The following SORCS1 variants were observed in gnomAD, a reference collection of about 807,000 sequenced individuals.
SORCS1 encodes sortilin related VPS10 domain containing receptor 1.
In SORCS1, 60 loss-of-function variants were observed where a neutral mutation model predicts 146.1. The observed-to-expected ratio is 0.41, with a 90% CI of 0.33 to 0.51. SORCS1 has a LOEUF of 0.51. SORCS1 is among the 20% of genes least tolerant of loss of function. The pLI, the probability that SORCS1 is intolerant of heterozygous loss-of-function variation, is 0.21. For missense variants in SORCS1, 1,352 were observed against 1,487.6 expected, an observed-to-expected ratio of 0.91 and a Z score of 1.50; for synonymous variants, 637 against 584.0, an observed-to-expected ratio of 1.09 and a Z score of -1.31.
At chr10:107,176,943 G>A in the SORCS1 span, among the ~76,000 whole-genome samples, 1 of 151,990 alleles carries the variant, frequency 6.6e-6, no homozygotes, top group Non-Finnish European at 1.5e-5. Context: ...TACTTACTAA[G>A]AGAGGTGTAT....
At chr10:107,159,084 T>C (rs1319788541) in intron 1 of SORCS1, among the ~76,000 whole-genome samples, 3 of 152,194 alleles carry the variant, frequency 2.0e-5, no homozygotes, top group African/African-American at 4.8e-5. Context: ...CAATAAACTA[T>C]GTTTTGCTGC....
chr10:106,728,893 T>G (rs915109499), intron 6 of SORCS1, among the ~76,000 whole-genome samples: 4 of 152,180 alleles, frequency 2.6e-5, no homozygotes, highest in African/African-American at 9.7e-5. Context: ...GATAGTCCAT[T>G]CTCTTCCTCT....
At chr10:106,992,409 C>T (rs1956803497) in intron 1 of SORCS1, among the ~76,000 whole-genome samples, 1 of 152,048 alleles carries the variant, frequency 6.6e-6, no homozygotes. Flanking sequence ...ACATTTTTTC[C>T]AAGATGGAAA....
chr10:107,039,305 C>T (rs576218806), intron 1 of SORCS1, among the ~76,000 whole-genome samples: 17 of 132,740 alleles, frequency 1.3e-4, no homozygotes, highest in South Asian at 4.7e-4. Context: ...TCCAGCCTGG[C>T]GACAGAGAGA....
intron 24 of SORCS1, among the ~76,000 whole-genome samples, chr10:106,588,675 C>A (rs1845394888): frequency 6.6e-6 from 1 of 151,772 alleles, no homozygotes; most frequent in African/African-American, 2.4e-5. Context: ...TCCTGGCCAA[C>A]ACGGTGAAAC....
intron 3 of SORCS1, among the ~76,000 whole-genome samples, chr10:106,779,545 A>ATTTTTTTT (rs1491495992): frequency 2.6e-5 from 3 of 116,732 alleles, no homozygotes; most frequent in Non-Finnish European, 5.6e-5. Flanking sequence ...ATTATGGCCC[A>ATTTTTTTT]TATTTTTTTT....
chr10:106,696,161 A>G (rs1243744699), intron 9 of SORCS1, among the ~76,000 whole-genome samples: 1 of 152,102 alleles, frequency 6.6e-6, no homozygotes, highest in Non-Finnish European at 1.5e-5. Flanking sequence ...AACAAAGGCC[A>G]TCCTCTTCAG....
intron 1 of SORCS1, among the ~76,000 whole-genome samples, chr10:107,033,859 G>T (rs900619460): frequency 9.2e-5 from 14 of 152,134 alleles, no homozygotes; most frequent in African/African-American, 3.1e-4. Context: ...GCTTCCAGGA[G>T]AACTTTCCAG....
intron 1 of SORCS1, among the ~76,000 whole-genome samples, chr10:107,090,276 C>T (rs1457006034): frequency 1.3e-5 from 2 of 152,124 alleles, no homozygotes; most frequent in Non-Finnish European, 2.9e-5. Flanking sequence ...TTGGACACCA[C>T]AAGAGAGGAA....
At chr10:106,836,058 G>A (rs528959960) in intron 2 of SORCS1, among the ~76,000 whole-genome samples, 1 of 151,852 alleles carries the variant, frequency 6.6e-6, no homozygotes, top group South Asian at 2.1e-4. Flanking sequence ...TGCTCTTTGA[G>A]TACATACAAT....
At chr10:106,636,359 T>C (rs1478473899) in intron 18 of SORCS1, among the ~76,000 whole-genome samples, 5 of 152,250 alleles carry the variant, frequency 3.3e-5, no homozygotes, top group African/African-American at 4.8e-5. Context: ...GAAAGTTTAC[T>C]GTGTCAGAAA....
chr10:107,115,151 T>C (rs1965943469), intron 1 of SORCS1, among the ~76,000 whole-genome samples: 1 of 151,956 alleles, frequency 6.6e-6, no homozygotes, highest in Non-Finnish European at 1.5e-5. Flanking sequence ...TTGGAAGAAT[T>C]AATATTGTTT....
intron 10 of SORCS1, among the ~76,000 whole-genome samples, chr10:106,682,508 G>C (rs150892459): frequency 7.2e-5 from 11 of 152,286 alleles, no homozygotes; most frequent in African/African-American, 1.4e-4. Flanking sequence ...TTAAGCTGTT[G>C]TACTGACCAG....
chr10:107,015,557 T>C (rs757692742), intron 1 of SORCS1, among the ~76,000 whole-genome samples: 7 of 152,134 alleles, frequency 4.6e-5, no homozygotes, highest in Non-Finnish European at 1.0e-4. Context: ...GGAATCAAAA[T>C]ACTGAGAATT....
intron 2 of SORCS1, among the ~76,000 whole-genome samples, chr10:106,916,963 G>A (rs1157001608): frequency 4.6e-5 from 7 of 152,024 alleles, no homozygotes; most frequent in Non-Finnish European, 1.0e-4. Context: ...GGCTGGTCTC[G>A]AACTCCTGAC....
rs535250787 is a variant in SORCS1, at chr10:107,090,378, T to C, written c.558+73591A>G. On this transcript the variant is annotated intron_variant, in intron 1 of 25. Transcript: ENST00000263054. ...TCAAATGTTTCCCTTATGTGACTAATCATTTTGAGCATTGTCCCTGTAGAA... is the reference window on the plus strand; with the variant it reads ...TCAAATGTTTCCCTTATGTGACTAACCATTTTGAGCATTGTCCCTGTAGAA... Among the ~76,000 whole-genome samples, 53 of 152,296 alleles carry C rather than the reference T, an allele frequency of 3.5e-4. 1 individual carries two copies. The South Asian group carries it at 0.01, about 29-fold the overall frequency.
At chr10:106,916,645 T>C (rs1204668492) in intron 2 of SORCS1, among the ~76,000 whole-genome samples, 8 of 148,672 alleles carry the variant, frequency 5.4e-5, no homozygotes. Flanking sequence ...GAAAAAAAAT[T>C]TATAAAATAA....
At chr10:106,799,318 G>A (rs1006631746) in intron 3 of SORCS1, among the ~76,000 whole-genome samples, 110 of 152,254 alleles carry the variant, frequency 7.2e-4, no homozygotes, top group African/African-American at 2.5e-3. Context: ...ACCTAGGCAT[G>A]GGCAAGCACT....
At chr10:106,585,571 A>G (rs560733485) in intron 24 of SORCS1, among the ~76,000 whole-genome samples, 1 of 152,228 alleles carries the variant, frequency 6.6e-6, no homozygotes, top group South Asian at 2.1e-4. Flanking sequence ...GATATGGATT[A>G]CATTGCTGGC....
Sources: gnomAD v4.1 joint callset for allele counts (sites outside exome capture counted in the v4.1 genomes callset) on GRCh38, gnomAD v4.1.1 for gene constraint, MANE v1.5 for transcripts, NCBI Gene and HGNC (gene_info 2026-07-23, HGNC 2026-07-21) for gene names.